The following PCDHGA5 variants were observed in gnomAD, a reference collection of about 807,000 sequenced individuals.
PCDHGA5 encodes the protein protocadherin gamma subfamily A, 5.
PCDHGA5 carries 36 observed loss-of-function variants against 56.7 expected under a neutral mutation model. The observed-to-expected ratio is 0.64, with a 90% confidence interval of 0.49 to 0.84. The LOEUF (loss-of-function observed/expected upper bound fraction) is 0.84, where lower values mean the gene tolerates loss of function less well. Ranked by LOEUF, PCDHGA5 falls within the 40% of genes least tolerant of loss-of-function variation. PCDHGA5 has a pLI of 0.00. For missense variants in PCDHGA5, 1,305 were observed against 1,201.5 expected (o/e 1.09, Z -1.27); for synonymous variants, 563 against 520.2 (o/e 1.08, Z -1.12).
At chr5:141,386,096 G>C (rs1029162742) in intron 1 of PCDHGA5, 7 of 152,214 alleles carry the variant, frequency 4.6e-5, no homozygotes, top group African/African-American at 1.7e-4. Flanking sequence ...CAGATGAAGT[G>C]TGTCTGTGGG....
intron 1 of PCDHGA5, among the ~76,000 whole-genome samples, chr5:141,439,689 A>G (rs1193986599): frequency 6.6e-6 from 1 of 152,218 alleles, no homozygotes; most frequent in Non-Finnish European, 1.5e-5. Flanking sequence ...CAGACCCACA[A>G]CATTCCTATT....
chr5:141,374,979 G>A (rs777674539), intron 1 of PCDHGA5: 31 of 1,613,984 alleles, frequency 1.9e-5, no homozygotes, highest in Non-Finnish European at 2.5e-5. Flanking sequence ...GTTTTGACTG[G>A]AGAAATTTCA....
chr5:141,405,419 T>C, intron 1 of PCDHGA5: 7 of 1,509,010 alleles, frequency 4.6e-6, no homozygotes, highest in Non-Finnish European at 5.4e-6. Flanking sequence ...TTTTTTGTTT[T>C]TTGTTTTGTT....
intron 1 of PCDHGA5, among the ~76,000 whole-genome samples, chr5:141,438,458 G>A (rs1462204360): frequency 6.6e-6 from 1 of 151,538 alleles, no homozygotes. Context: ...CAATGCTTGA[G>A]TTCAATTATT....
At chr5:141,457,175 A>C (rs1447297536) in intron 1 of PCDHGA5, among the ~76,000 whole-genome samples, 2 of 152,192 alleles carry the variant, frequency 1.3e-5, no homozygotes, top group Non-Finnish European at 2.9e-5. Flanking sequence ...ACCCTATTGC[A>C]AATAGTAGAG....
At chr5:141,394,989 C>T in intron 1 of PCDHGA5, 1 of 1,614,030 alleles carries the variant, frequency 6.2e-7, no homozygotes. Flanking sequence ...ACGCCTGCTC[C>T]AGGATTCCGG....
At position 141,486,481 on chromosome 5, in the gene PCDHGA5, T is replaced by C. The variant is rs1562112794; in HGVS notation, c.2422-8326T>C. 1 of 1,614,036 alleles carries C rather than the reference T, an allele frequency of 6.2e-7. No individual in the cohort carries two copies. The highest frequency in any genetic ancestry group is 8.5e-7 in the Non-Finnish European group (1 of 1,179,976). Reference sequence around the variant, plus strand: ...CTGATGCTGGGAACCCTCCTCTCAGTACCCACAGAACTATTTTCCTCAATA... The same window carrying C: ...CTGATGCTGGGAACCCTCCTCTCAGCACCCACAGAACTATTTTCCTCAATA... On this transcript the variant is annotated intron_variant, in intron 1 of 3. Coordinates refer to ENST00000518069, the MANE Select transcript of PCDHGA5 (RefSeq NM_018918.3). This position sits in a 1 kb window ranked among gnomAD's most constrained non-coding sequence, Gnocchi z 5.0.
chr5:141,418,396 A>G lies in PCDHGA5; in HGVS notation c.2421+51645A>G, dbSNP rs139206858. 4.9e-3 allele frequency: 7,975 copies of G among 1,613,844 alleles called. 44 individuals are homozygous for G. The highest frequency in any genetic ancestry group is 9.4e-3 in the Admixed American group (567 of 60,030). On this transcript the variant is annotated intron_variant, in intron 1 of 3. Coordinates refer to ENST00000518069, the MANE Select transcript of PCDHGA5 (RefSeq NM_018918.3). Reference sequence around the variant, plus strand: ...AACTAAGTCCTAACGAGTATTTCTCATTGGTGGAGAAAGACAATCCTGATG... The same window carrying G: ...AACTAAGTCCTAACGAGTATTTCTCGTTGGTGGAGAAAGACAATCCTGATG...
chr5:141,490,010 T>C lies in PCDHGA5; in HGVS notation c.2422-4797T>C, dbSNP rs749356078. On this transcript the variant is annotated intron_variant, in intron 1 of 3. Coordinates refer to ENST00000518069, the MANE Select transcript of PCDHGA5 (RefSeq NM_018918.3). The surrounding 1 kb of genome is among the most constrained non-coding windows in gnomAD (Gnocchi z 5.4). ...GTGGGAATCCCAGAGAATGCACCCA[T>C]TGGTACTCTGCTGCTCCGCCTCAAT... 11 of 1,614,198 alleles carry C rather than the reference T, an allele frequency of 6.8e-6. No homozygotes were observed. The highest frequency in any genetic ancestry group is 2.2e-5 in the South Asian group (2 of 91,082).
At chr5:141,494,976 G>A in intron 2 of PCDHGA5, 111 bp downstream of exon 2, 1 of 1,575,636 alleles carries the variant, frequency 6.3e-7, no homozygotes. Flanking sequence ...TTCTCCCTCA[G>A]TTTGAGATCC....
rs1452602466 is a variant in PCDHGA5 at position 141,481,941 on chromosome 5, C to A, written c.2422-12866C>A. Among the ~76,000 whole-genome samples, 4 of 146,990 alleles carry A rather than the reference C, an allele frequency of 2.7e-5. No individual in the cohort carries two copies. The Admixed American group carries it at 2.7e-4, about 10-fold the overall frequency. On this transcript the variant is annotated intron_variant, in intron 1 of 3. Coordinates refer to ENST00000518069, the MANE Select transcript of PCDHGA5 (RefSeq NM_018918.3). ...AAAAAAAAAAAAAAAAAAAATCAGC[C>A]AGATGTGGTGGCAGGTGCCTGTAGT...
chr5:141,503,181 A>C (rs532503504), intron 2 of PCDHGA5, among the ~76,000 whole-genome samples: 54 of 152,060 alleles, frequency 3.6e-4, no homozygotes, highest in African/African-American at 1.3e-3. Context: ...TCTATTGTGT[A>C]ATTATTTAAA....
At position 141,491,733 on chromosome 5, in the gene PCDHGA5, TGGGGGCGGCAC is replaced by T; in HGVS notation, c.2422-3073_2422-3063del. 1.9e-6 allele frequency: 3 copies of T among 1,602,698 alleles called. No individual in the cohort carries two copies. The highest frequency in any genetic ancestry group is 2.6e-6 in the Non-Finnish European group (3 of 1,175,258). On this transcript the variant is annotated intron_variant, in intron 1 of 3. Coordinates refer to ENST00000518069, the MANE Select transcript of PCDHGA5 (RefSeq NM_018918.3). The surrounding 1 kb of genome is among the most constrained non-coding windows in gnomAD (Gnocchi z 6.9). ...GCTCGGCGCCGCCCCGGGCGACCCC[TGGGGGCGGCAC>T]TGGAGAAGCCGCCCGTCCTCATAAG...
intron 2 of PCDHGA5, among the ~76,000 whole-genome samples, chr5:141,502,894 G>C (rs1342496006): frequency 6.8e-6 from 1 of 147,968 alleles, no homozygotes; most frequent in Non-Finnish European, 1.5e-5. Context: ...AGGGAGTCTA[G>C]CTCTGTTGCC....
At position 141,431,159 on chromosome 5, in the gene PCDHGA5, C is replaced by T. The variant is rs1017606383; in HGVS notation, c.2422-63648C>T. Reference sequence around the variant, plus strand: ...CATTAACGACAATGCGCCTTACTTTCGTGAAAGTGAATTAGAAATAAAAAT... The same window carrying T: ...CATTAACGACAATGCGCCTTACTTTTGTGAAAGTGAATTAGAAATAAAAAT... On this transcript the variant is annotated intron_variant, in intron 1 of 3. Transcript: ENST00000518069. The surrounding 1 kb of genome is among the most constrained non-coding windows in gnomAD (Gnocchi z 4.8). 1 of 1,614,158 alleles carries T rather than the reference C, an allele frequency of 6.2e-7. No individual in the cohort carries two copies. The highest frequency in any genetic ancestry group is 1.3e-5 in the African/African-American group (1 of 75,046).
At position 141,490,707 on chromosome 5, in the gene PCDHGA5, C is replaced by T; in HGVS notation, c.2422-4100C>T. ...CAGACACTGGGGATAATGCCCGCCT[C>T]ACCTACTCCATTGTAGGAAATCAGG... On this transcript the variant is annotated intron_variant, in intron 1 of 3. Transcript: ENST00000518069. The surrounding 1 kb of genome is among the most constrained non-coding windows in gnomAD (Gnocchi z 5.4). The T allele has an allele frequency of 3.1e-6, 5 of 1,614,194 alleles. No individual in the cohort carries two copies. Among genetic ancestry groups the T allele is most frequent in the Non-Finnish European group, 3.4e-6 (4 of 1,180,008 alleles).
chr5:141,384,575 C>A (rs754018989), intron 1 of PCDHGA5: 3 of 1,614,258 alleles, frequency 1.9e-6, no homozygotes, highest in Non-Finnish European at 2.5e-6. Context: ...AATGACAACC[C>A]GCCCGAGATC....
At position 141,384,883 on chromosome 5, in the gene PCDHGA5, G is replaced by A. The variant is rs774353364; in HGVS notation, c.2421+18132G>A. ...TCTGTCAGCCACCGTCACACTCACCGTGGCTGTGGCTGACAGCATCCCCGA... is the reference window on the plus strand; with the variant it reads ...TCTGTCAGCCACCGTCACACTCACCATGGCTGTGGCTGACAGCATCCCCGA... On this transcript the variant is annotated intron_variant, in intron 1 of 3. Coordinates refer to ENST00000518069, the MANE Select transcript of PCDHGA5 (RefSeq NM_018918.3). 62 of 1,613,804 alleles carry A rather than the reference G, an allele frequency of 3.8e-5. 1 individual carries two copies. In the East Asian group the frequency reaches 1.3e-3, roughly 35 times the overall value.
In PCDHGA5 at chr5:141,432,782, C is replaced by A. The variant is rs547164205; in HGVS notation, c.2422-62025C>A. 6.2e-7 allele frequency: 1 copy of A among 1,614,164 alleles called. No homozygotes were observed. Among genetic ancestry groups the A allele is most frequent in the African/African-American group, 1.3e-5 (1 of 75,052 alleles). ...CAGCATCCCCCAAGTCCTGGCGGAC[C>A]TCGGCAGCCTCGAGTCTCCAGCTAA... On this transcript the variant is annotated intron_variant, in intron 1 of 3. Coordinates refer to ENST00000518069, the MANE Select transcript of PCDHGA5 (RefSeq NM_018918.3). This position sits in a 1 kb window ranked among gnomAD's most constrained non-coding sequence, Gnocchi z 6.0.
Sources: gnomAD v4.1 joint callset for allele counts (sites outside exome capture counted in the v4.1 genomes callset) on GRCh38, gnomAD v4.1.1 for gene constraint, Gnocchi (gnomAD v3.1) non-coding constraint, MANE v1.5 for transcripts, NCBI Gene and HGNC (gene_info 2026-07-23, HGNC 2026-07-21) for gene names.